The following RAB3GAP2 variants were observed in gnomAD, a reference collection of about 807,000 sequenced individuals.
RAB3GAP2 encodes the protein rab3 GTPase-activating protein non-catalytic subunit.
RAB3GAP2 carries 87 observed loss-of-function variants against 185.3 expected under a neutral mutation model. That is an observed-to-expected ratio of 0.47 (90% CI 0.39 to 0.56). RAB3GAP2 has a LOEUF of 0.56. RAB3GAP2 is among the 20% of genes least tolerant of loss of function. The probability of loss-of-function intolerance (pLI) is 0.00; values close to 1 mark genes in which losing one functional copy is unlikely to be tolerated. For synonymous variants in RAB3GAP2, 554 were observed against 576.1 expected, an observed-to-expected ratio of 0.96 and a Z score of 0.55; for missense variants, 1,492 against 1,638.2, an observed-to-expected ratio of 0.91 and a Z score of 1.54.
chr1:220,157,868 TC>T lies in RAB3GAP2; in HGVS notation c.3269del (p.Gly1090GlufsTer2). ...AAGATGTCATTGCTGTGTCACTCAT[TC>T]CCACATCCTGTTTTTTAAAAAGGAA... The part of the protein sequence containing the change: ...PKDRLCRRDV[G>X]MSDTAMTSFL... On this transcript the variant is annotated frameshift_variant, in exon 30 of 35. Transcript: ENST00000358951. LOFTEE classifies it high-confidence loss of function. 1 of 1,613,058 alleles carries T rather than the reference TC, an allele frequency of 6.2e-7. No individual in the cohort carries two copies. Among genetic ancestry groups the T allele is most frequent in the Non-Finnish European group, 8.5e-7 (1 of 1,179,136 alleles).
chr1:220,199,320 C>T (rs753311036), intron 9 of RAB3GAP2, among the ~76,000 whole-genome samples: 1 of 150,872 alleles, frequency 6.6e-6, no homozygotes, highest in Admixed American at 6.6e-5. Context: ...AATGGAGATA[C>T]TGGGAATCTA....
At chr1:220,176,572 G>A (rs912852812) in intron 21 of RAB3GAP2, among the ~76,000 whole-genome samples, 10 of 152,138 alleles carry the variant, frequency 6.6e-5, no homozygotes, top group African/African-American at 1.4e-4. Context: ...TAGTCTGCCC[G>A]CTAGCACTGG....
intron 20 of RAB3GAP2, 150 bp downstream of exon 20, chr1:220,182,568 G>A (rs550344578): frequency 9.8e-6 from 12 of 1,226,484 alleles, no homozygotes; most frequent in Non-Finnish European, 8.8e-6. Context: ...GTTGACCAGA[G>A]TATCTTTTGT....
Position 220,206,021 on chromosome 1 carries a change from A to T in RAB3GAP2, c.613-15T>A. 3 of 1,481,506 alleles carry T rather than the reference A, an allele frequency of 2.0e-6. No homozygotes were observed. Among genetic ancestry groups the T allele is most frequent in the East Asian group, 2.4e-5 (1 of 42,028 alleles). The allele number at this position is 1,481,506 out of a possible 1,614,324, so 91.8% of individuals were successfully genotyped here. ...AACTCTTCATTCTATTTAAGAAATA[A>T]AAAAAAAAAGTTCTTGAATAGATAA... On this transcript the variant is annotated splice_polypyrimidine_tract_variant and intron_variant, in intron 7 of 34. Transcript: ENST00000358951.
intron 1 of RAB3GAP2, chr1:220,254,401 C>A (rs1241447993): frequency 5.0e-6 from 8 of 1,612,814 alleles, no homozygotes; most frequent in Non-Finnish European, 6.8e-6. Context: ...GGCCTATACA[C>A]CTCTGGATGA....
intron 14 of RAB3GAP2, 142 bp from the exon 15 acceptor site, chr1:220,190,662 A>G (rs1658598656): frequency 4.8e-6 from 4 of 829,106 alleles, no homozygotes; most frequent in African/African-American, 3.4e-5. Context: ...TAGCAAGTAC[A>G]TAAGTAAAGC....
intron 26 of RAB3GAP2, among the ~76,000 whole-genome samples, chr1:220,166,580 G>A (rs1658071410): frequency 6.6e-6 from 1 of 152,224 alleles, no homozygotes; most frequent in African/African-American, 2.4e-5. Context: ...ATTCAGCTGG[G>A]ATCCAAATCA....
intron 9 of RAB3GAP2, among the ~76,000 whole-genome samples, chr1:220,201,809 T>C (rs754272860): frequency 6.6e-5 from 10 of 152,152 alleles, no homozygotes; most frequent in Non-Finnish European, 1.0e-4. Flanking sequence ...TTTAAAGATA[T>C]ATGCCTATGA....
rs371000771 is a variant in RAB3GAP2, at chr1:220,195,149, T to C, written c.1059A>G (p.Lys353=). The C allele has an allele frequency of 1.2e-6, 2 of 1,614,160 alleles. No homozygotes were observed. The highest frequency in any genetic ancestry group is 8.5e-7 in the Non-Finnish European group (1 of 1,180,012). ...FNAASGWLGW[K]SKHEEEAVQK... is the part of the protein sequence containing the mutation. The stretch of plus-strand genomic sequence containing the variant: ...GGACAGCTTCTTCTTCGTGCTTACT[T>C]TTCCAACCAAGCCAACCACTGAAAA... The change falls in exon 12 of 35, where the codon AAA becomes AAG. Residue 353 remains lysine (K), a synonymous_variant. Coordinates refer to ENST00000358951, the MANE Select transcript of RAB3GAP2 (RefSeq NM_012414.4).
chr1:220,241,782 C>T (rs547527821), intron 1 of RAB3GAP2, among the ~76,000 whole-genome samples: 107 of 151,928 alleles, frequency 7.0e-4, no homozygotes, highest in Non-Finnish European at 9.1e-4. Context: ...TAGTCACTTA[C>T]CAAAGGGTTA....
At chr1:220,151,569 A>C in intron 34 of RAB3GAP2, 37 bp downstream of exon 34, 1 of 1,593,508 alleles carries the variant, frequency 6.3e-7, no homozygotes, top group Admixed American at 1.7e-5. Context: ...GAAAACATCC[A>C]ATGACCTTTT....
intron 2 of RAB3GAP2, among the ~76,000 whole-genome samples, chr1:220,218,996 A>G (rs2102884833): frequency 6.6e-6 from 1 of 152,366 alleles, no homozygotes; most frequent in East Asian, 1.9e-4. Context: ...TATCCTTAAA[A>G]TTATAAAGAG....
At chr1:220,234,372 T>C (rs1367941361) in intron 1 of RAB3GAP2, among the ~76,000 whole-genome samples, 2 of 152,224 alleles carry the variant, frequency 1.3e-5, no homozygotes, top group Non-Finnish European at 2.9e-5. Flanking sequence ...GTTGCTGAAA[T>C]CAATTACATA....
intron 1 of RAB3GAP2, among the ~76,000 whole-genome samples, chr1:220,241,198 T>C (rs1433198051): frequency 6.6e-6 from 1 of 152,082 alleles, no homozygotes; most frequent in Non-Finnish European, 1.5e-5. Flanking sequence ...GAACAGTCTG[T>C]CCTCATAAAC....
At chr1:220,226,687 C>G (rs1465467576) in intron 2 of RAB3GAP2, among the ~76,000 whole-genome samples, 2 of 152,120 alleles carry the variant, frequency 1.3e-5, no homozygotes, top group East Asian at 1.9e-4. Flanking sequence ...TACTTATAGG[C>G]AAGTTGAAAT....
At chr1:220,191,335 T>A in intron 13 of RAB3GAP2, 51 bp from the exon 14 acceptor site, 1 of 895,626 alleles carries the variant, frequency 1.1e-6, no homozygotes, top group Non-Finnish European at 1.5e-6. Flanking sequence ...GGTTCCATAG[T>A]AGCCTCCTGA....
chr1:220,246,040 A>G (rs1659805921), intron 1 of RAB3GAP2, among the ~76,000 whole-genome samples: 1 of 152,226 alleles, frequency 6.6e-6, no homozygotes, highest in Non-Finnish European at 1.5e-5. Flanking sequence ...ACAAAGGGCT[A>G]ATATCCAGAA....
chr1:220,184,830 A>G (rs778344687), intron 18 of RAB3GAP2, among the ~76,000 whole-genome samples: 6 of 151,926 alleles, frequency 3.9e-5, no homozygotes, highest in Non-Finnish European at 5.9e-5. Context: ...TAAAAGAGGG[A>G]TTTATTTCTG....
At chr1:220,237,010 T>TA (rs1659606302) in intron 1 of RAB3GAP2, among the ~76,000 whole-genome samples, 1 of 152,188 alleles carries the variant, frequency 6.6e-6, no homozygotes, top group Admixed American at 6.5e-5. Context: ...CCAAAAAAGC[T>TA]AAAAATGGCT....
Sources: gnomAD v4.1 joint callset for allele counts (sites outside exome capture counted in the v4.1 genomes callset) on GRCh38, gnomAD v4.1.1 for gene constraint, MANE v1.5 for transcripts, NCBI Gene and HGNC (gene_info 2026-07-23, HGNC 2026-07-21) for gene names.